RCAN2: variants seen among roughly 807,000 people sequenced by gnomAD.
RCAN2 encodes the protein calcipressin-2.
A neutral mutation model predicts 23.6 loss-of-function variants in RCAN2; 9 were observed. That is an observed-to-expected ratio of 0.38 (90% CI 0.23 to 0.67). The LOEUF is 0.67. Among genes scored for constraint, RCAN2 ranks in the 30% least tolerant of loss-of-function variants. RCAN2 has a pLI of 0.51. For missense variants in RCAN2, 273 were observed against 302.3 expected, an observed-to-expected ratio of 0.90 and a Z score of 0.72; for synonymous variants, 109 against 115.7, an observed-to-expected ratio of 0.94 and a Z score of 0.37.
chr6:46,222,175 TATC>T lies in RCAN2; in HGVS notation c.*963_*965del. The T allele has an allele frequency of 2.5e-6, 1 of 393,366 alleles. No homozygotes were observed. Among genetic ancestry groups the T allele is most frequent in the African/African-American group, 2.1e-5 (1 of 48,616 alleles). The allele number at this position is 393,366 out of a possible 1,614,324, so 24.4% of individuals were successfully genotyped here. A position where few individuals can be genotyped will look rare whatever the true frequency, so the allele number is the denominator to read the frequency against. On this transcript the variant is annotated 3_prime_UTR_variant, in exon 5 of 5. Coordinates refer to ENST00000371374, the MANE Select transcript of RCAN2 (RefSeq NM_001251974.2). The stretch of plus-strand genomic sequence containing the variant: ...CATTATCCTTATTAGAGTGTAATAT[TATC>T]AGAGTATCTGTATTAGTATATGAAG...
rs994235958 is a variant in RCAN2, at chr6:46,222,146, T to G, written c.*995A>C. 2.5e-6 allele frequency: 1 copy of G among 396,104 alleles called. No individual in the cohort carries two copies. The highest frequency in any genetic ancestry group is 2.1e-5 in the African/African-American group (1 of 48,564). 24.5% of individuals were successfully genotyped at this position (396,104 alleles called of 1,614,324 possible). A position where few individuals can be genotyped will look rare whatever the true frequency, so the allele number is the denominator to read the frequency against. On this transcript the variant is annotated 3_prime_UTR_variant, in exon 5 of 5. Transcript: ENST00000371374. ...TAGATGTTTTGTGTCCTTTCAAAAT[T>G]CAGCATTATCCTTATTAGAGTGTAA...
At chr6:46,441,856 G>A (rs925165126) in intron 2 of RCAN2, among the ~76,000 whole-genome samples, 4 of 152,134 alleles carry the variant, frequency 2.6e-5, no homozygotes, top group Non-Finnish European at 5.9e-5. Flanking sequence ...CAATGAACAG[G>A]TAATAAGGAA....
Position 46,481,009 on chromosome 6 carries a change from G to A in RCAN2, c.-3+10164C>T, listed in dbSNP as rs558507080. 1.3e-4 allele frequency among the ~76,000 whole-genome samples: 20 copies of A among 152,282 alleles called. No individual in the cohort carries two copies. The South Asian group carries it at 1.5e-3, about 11-fold the overall frequency. On this transcript the variant is annotated intron_variant, in intron 1 of 4. Transcript: ENST00000371374. ...TTGATATCTTCAAGTTCGTGTTTCC[G>A]AATTATTTAGAATAAATATGATGGA...
rs1768987481 is a variant in RCAN2 at position 46,486,287 on chromosome 6, T to C, written c.-3+4886A>G. 1.3e-5 allele frequency among the ~76,000 whole-genome samples: 2 copies of C among 152,142 alleles called. 1 individual carries two copies. The highest frequency in any genetic ancestry group is 1.3e-4 in the Admixed American group (2 of 15,284). On this transcript the variant is annotated intron_variant, in intron 1 of 4. Transcript: ENST00000371374. ...TAATACCCACCTTGTGGAGTTGTTG[T>C]AAGGATTAAATGAGATAACGTATGT...
chr6:46,462,337 G>A (rs570619882), intron 1 of RCAN2, among the ~76,000 whole-genome samples: 12 of 152,118 alleles, frequency 7.9e-5, no homozygotes, highest in African/African-American at 2.7e-4. Context: ...ATGTTAGAAC[G>A]TTAATGGCAA....
In RCAN2 at chr6:46,381,284, C is replaced by T. The variant is rs570142633; in HGVS notation, c.225+75468G>A. Among the ~76,000 whole-genome samples the T allele has an allele frequency of 1.4e-4, 22 of 152,250 alleles. No homozygotes were observed. In the East Asian group the frequency reaches 4.2e-3, roughly 29 times the overall value. ...GAGGCAGATAATACAATGGAAAGAT[C>T]CCACCTCTGCCCCATGCAACCTTGG... On this transcript the variant is annotated intron_variant, in intron 2 of 4. Transcript: ENST00000371374.
intron 2 of RCAN2, among the ~76,000 whole-genome samples, chr6:46,366,985 G>C (rs1561876935): frequency 1.6e-5 from 2 of 122,886 alleles, no homozygotes; most frequent in South Asian, 2.8e-4. Context: ...CCACTTGAAG[G>C]CTTTCTTTTT....
chr6:46,470,845 G>A (rs1768537283), intron 1 of RCAN2, among the ~76,000 whole-genome samples: 1 of 152,184 alleles, frequency 6.6e-6, no homozygotes, highest in Non-Finnish European at 1.5e-5. Flanking sequence ...CTTAGATGTG[G>A]CAAGGATGAA....
intron 2 of RCAN2, among the ~76,000 whole-genome samples, chr6:46,252,323 A>G (rs1423239696): frequency 6.6e-6 from 1 of 152,166 alleles, no homozygotes; most frequent in Non-Finnish European, 1.5e-5. Context: ...ACACAATAAT[A>G]TTTTGTTGTC....
At chr6:46,389,570 A>G (rs897735918) in intron 2 of RCAN2, among the ~76,000 whole-genome samples, 1 of 152,122 alleles carries the variant, frequency 6.6e-6, no homozygotes, top group Non-Finnish European at 1.5e-5. Flanking sequence ...TCATCTCTGC[A>G]CTCCCAGTAA....
intron 2 of RCAN2, among the ~76,000 whole-genome samples, chr6:46,383,168 AGTGTGTGTGTGTGT>A (rs71305761): frequency 1.9e-4 from 26 of 139,398 alleles, no homozygotes; most frequent in South Asian, 1.7e-3. Flanking sequence ...CAGCCTGGGT[AGTGTGTGTGTGTGT>A]GTGTGTGTGT....
At chr6:46,381,629 T>C (rs1002477026) in intron 2 of RCAN2, among the ~76,000 whole-genome samples, 2 of 152,158 alleles carry the variant, frequency 1.3e-5, no homozygotes, top group Non-Finnish European at 2.9e-5. Context: ...ATAGTGCTAC[T>C]ATTACTATTG....
At chr6:46,240,924 C>G (rs1766283081) in intron 4 of RCAN2, among the ~76,000 whole-genome samples, 1 of 152,142 alleles carries the variant, frequency 6.6e-6, no homozygotes, top group East Asian at 1.9e-4. Flanking sequence ...AACTCAAGCA[C>G]CATTTTAAAA....
intron 1 of RCAN2, among the ~76,000 whole-genome samples, chr6:46,474,312 A>G (rs1768651105): frequency 6.6e-6 from 1 of 152,094 alleles, no homozygotes; most frequent in African/African-American, 2.4e-5. Context: ...TAAAAGAACT[A>G]CAGGAGTCCT....
chr6:46,363,168 A>C (rs951894923), intron 2 of RCAN2, among the ~76,000 whole-genome samples: 1 of 152,232 alleles, frequency 6.6e-6, no homozygotes, highest in Non-Finnish European at 1.5e-5. Context: ...TTTCTGGTGC[A>C]GAAATGAATA....
At chr6:46,472,947 A>G (rs1768610209) in intron 1 of RCAN2, among the ~76,000 whole-genome samples, 1 of 152,228 alleles carries the variant, frequency 6.6e-6, no homozygotes, top group South Asian at 2.1e-4. Context: ...CTGGTAGCTC[A>G]GAGCGAGAAA....
intron 1 of RCAN2, among the ~76,000 whole-genome samples, chr6:46,469,972 C>T (rs910934660): frequency 4.6e-5 from 7 of 152,252 alleles, no homozygotes; most frequent in African/African-American, 1.7e-4. Flanking sequence ...ACCAGACGAC[C>T]GAACCTCGAT....
chr6:46,250,610 C>T (rs1184899308), intron 2 of RCAN2, among the ~76,000 whole-genome samples: 1 of 152,186 alleles, frequency 6.6e-6, no homozygotes, highest in East Asian at 1.9e-4. Flanking sequence ...TACCCATGGG[C>T]ACATGGACAG....
intron 2 of RCAN2, among the ~76,000 whole-genome samples, chr6:46,410,859 T>C (rs1766532397): frequency 6.6e-6 from 1 of 152,222 alleles, no homozygotes; most frequent in Non-Finnish European, 1.5e-5. Flanking sequence ...AGCCCTTTTA[T>C]ATCCATGATT....
Sources: gnomAD v4.1 joint callset for allele counts (sites outside exome capture counted in the v4.1 genomes callset) on GRCh38, gnomAD v4.1.1 for gene constraint, MANE v1.5 for transcripts, NCBI Gene and HGNC (gene_info 2026-07-23, HGNC 2026-07-21) for gene names.